The following AXL variants were observed in gnomAD, a reference collection of about 807,000 sequenced individuals.
AXL encodes the protein tyrosine-protein kinase receptor UFO.
A neutral mutation model predicts 104.5 loss-of-function variants in AXL; 52 were observed. The ratio of observed to expected loss-of-function variants is 0.50; its 90% confidence interval spans 0.40 to 0.63. The LOEUF (loss-of-function observed/expected upper bound fraction) is 0.63, where lower values mean the gene tolerates loss of function less well. Among genes scored for constraint, AXL ranks in the 20% least tolerant of loss-of-function variants. AXL has a pLI of 0.00. For synonymous variants in AXL, 455 were observed against 473.7 expected, an observed-to-expected ratio of 0.96 and a Z score of 0.51; for missense variants, 1,024 against 1,188.5, an observed-to-expected ratio of 0.86 and a Z score of 2.04.
rs1479849930 is a variant in AXL, at chr19:41,238,109, C to T, written c.949C>T (p.Pro317Ser). ...CGTGGCATGCACCAGCAGCCAGGGC[C>T]CCTCATCCTGGACCCACTGGCTTCC... ...IRVACTSSQG[P>S]SSWTHWLPVE... The change falls in exon 7 of 20, where the codon CCC (proline) becomes TCC (serine). Residue 317 changes from proline to serine, a missense_variant. Coordinates refer to ENST00000301178, the MANE Select transcript of AXL (RefSeq NM_021913.5). 6.2e-7 allele frequency: 1 copy of T among 1,613,978 alleles called. No homozygotes were observed. Among genetic ancestry groups the T allele is most frequent in the East Asian group, 2.2e-5 (1 of 44,884 alleles).
At chr19:41,225,318 G>C (rs1472975193) in intron 4 of AXL, among the ~76,000 whole-genome samples, 2 of 152,180 alleles carry the variant, frequency 1.3e-5, no homozygotes, top group African/African-American at 2.4e-5. Flanking sequence ...ATGTGTTTTT[G>C]TATCAGTCTG....
chr19:41,245,011 A>C (rs1259495208), intron 12 of AXL, among the ~76,000 whole-genome samples: 1 of 151,214 alleles, frequency 6.6e-6, no homozygotes, highest in Non-Finnish European at 1.5e-5. Flanking sequence ...GCTCACTGCA[A>C]CCTCCGCCTC....
At chr19:41,222,408 C>T (rs1015439266) in intron 4 of AXL, among the ~76,000 whole-genome samples, 4 of 152,134 alleles carry the variant, frequency 2.6e-5, no homozygotes, top group Non-Finnish European at 4.4e-5. Flanking sequence ...TTCCATGGCT[C>T]GAGTGCGTGT....
intron 12 of AXL, among the ~76,000 whole-genome samples, chr19:41,247,753 T>A (rs1017237781): frequency 1.3e-5 from 2 of 151,860 alleles, no homozygotes; most frequent in East Asian, 1.9e-4. Context: ...ATGGCTAGCT[T>A]TTGTATTTTT....
chr19:41,220,904 G>A (rs2033779243), intron 2 of AXL, 46 bp downstream of exon 2: 2 of 1,598,574 alleles, frequency 1.3e-6, no homozygotes, highest in Non-Finnish European at 8.5e-7. Context: ...CCGTCACACA[G>A]AGGGCAGAAA....
intron 4 of AXL, among the ~76,000 whole-genome samples, chr19:41,224,087 T>C (rs1599725550): frequency 6.6e-6 from 1 of 152,086 alleles, no homozygotes; most frequent in African/African-American, 2.4e-5. Flanking sequence ...GTTGCCCGTG[T>C]GTGGGTGTCT....
Position 41,219,370 on chromosome 19 carries a change from C to T in AXL, c.-23C>T, listed in dbSNP as rs540801607. ...CCCTCCCCCGCTGGGAGCCCAACAA[C>T]TTCTGAGGAAAGTTTGGCACCCATG... is the stretch of plus-strand genomic sequence containing the variant. On this transcript the variant is annotated 5_prime_UTR_variant, in exon 1 of 20. Coordinates refer to ENST00000301178, the MANE Select transcript of AXL (RefSeq NM_021913.5). 2 of 1,573,292 alleles carry T rather than the reference C, an allele frequency of 1.3e-6. No homozygotes were observed. The highest frequency in any genetic ancestry group is 1.2e-5 in the South Asian group (1 of 85,548).
chr19:41,247,491 G>A (rs1290134242), intron 12 of AXL, among the ~76,000 whole-genome samples: 1 of 151,594 alleles, frequency 6.6e-6, no homozygotes, highest in Non-Finnish European at 1.5e-5. Context: ...CAACAGGAAC[G>A]AAACTCCATC....
At chr19:41,252,807 C>T in intron 15 of AXL, 39 bp from the exon 16 acceptor site, 2 of 1,611,522 alleles carry the variant, frequency 1.2e-6, no homozygotes, top group South Asian at 1.1e-5. Flanking sequence ...GCTTCCCCTT[C>T]TGCCCAGCAG....
Position 41,238,167 on chromosome 19 carries a change from G to C in AXL, c.994+13G>C, listed in dbSNP as rs1478607493. On this transcript the variant is annotated intron_variant, in intron 7 of 19. Coordinates refer to ENST00000301178, the MANE Select transcript of AXL (RefSeq NM_021913.5). ...ACGCCGGAGGGAGGTAAGAAGGGTT[G>C]GGGAGGGACACGTCACCACTGCCCC... 1.2e-6 allele frequency: 2 copies of C among 1,613,530 alleles called. No homozygotes were observed. The highest frequency in any genetic ancestry group is 1.7e-6 in the Non-Finnish European group (2 of 1,179,694).
intron 10 of AXL, among the ~76,000 whole-genome samples, chr19:41,240,227 G>A (rs370640900): frequency 6.6e-6 from 1 of 150,908 alleles, no homozygotes; most frequent in African/African-American, 2.4e-5. Flanking sequence ...TGGATGGATG[G>A]GTGGGTGGAT....
rs1195983703 is a variant in AXL, at chr19:41,222,059, G to A, written c.586+3G>A. 5.2e-6 allele frequency: 8 copies of A among 1,544,442 alleles called. No individual in the cohort carries two copies. Among genetic ancestry groups the A allele is most frequent in the African/African-American group, 2.8e-5 (2 of 72,492 alleles). On this transcript the variant is annotated splice_donor_region_variant and intron_variant, in intron 4 of 19. Transcript: ENST00000301178. Reference sequence around the variant, plus strand: ...CCAGCGCAGCCTGCATGTTCCAGGTGAGTCCGGGGATGTGGGTCAGCTCCG... The same window carrying A: ...CCAGCGCAGCCTGCATGTTCCAGGTAAGTCCGGGGATGTGGGTCAGCTCCG...
intron 19 of AXL, 54 bp downstream of exon 19, chr19:41,257,683 C>A: frequency 6.2e-7 from 1 of 1,607,672 alleles, no homozygotes; most frequent in Non-Finnish European, 8.5e-7. Context: ...CCCCTGACTA[C>A]CCCCAGATGG....
At position 41,224,753 on chromosome 19, in the gene AXL, G is replaced by T. The variant is rs77137824; in HGVS notation, c.586+2697G>T. Among the ~76,000 whole-genome samples the T allele has an allele frequency of 2.6e-5, 4 of 152,036 alleles. No individual in the cohort carries two copies. The East Asian group carries it at 5.8e-4, about 22-fold the overall frequency. On this transcript the variant is annotated intron_variant, in intron 4 of 19. Transcript: ENST00000301178. ...TGTGGCGTGTGTGTATATGTCACAGGGTAAGCATGTTGGTGTATGACTGTA... is the reference window on the plus strand; with the variant it reads ...TGTGGCGTGTGTGTATATGTCACAGTGTAAGCATGTTGGTGTATGACTGTA...
rs1159473169 is a variant in AXL at position 41,219,716 on chromosome 19, GAGAC to G, written c.85+249_85+252del. 7.3e-5 allele frequency among the ~76,000 whole-genome samples: 11 copies of G among 150,044 alleles called. No individual in the cohort carries two copies. In the East Asian group the frequency reaches 1.6e-3, roughly 22 times the overall value. ...GGGGGGACAGAAGAGAGGACCCGGA[GAGAC>G]AGACAGACAAGGAGAAGCTGAGGGC... On this transcript the variant is annotated intron_variant, in intron 1 of 19. Transcript: ENST00000301178.
At chr19:41,237,771 T>C (rs1305045326) in intron 6 of AXL, among the ~76,000 whole-genome samples, 173 bp from the exon 7 acceptor site, 2 of 152,142 alleles carry the variant, frequency 1.3e-5, no homozygotes, top group Non-Finnish European at 2.9e-5. Flanking sequence ...TACAGCCAAA[T>C]GATCTCCTTG....
intron 14 of AXL, 101 bp downstream of exon 14, chr19:41,248,921 T>G (rs2034316113): frequency 4.2e-5 from 53 of 1,266,038 alleles, no homozygotes; most frequent in Non-Finnish European, 5.4e-5. Context: ...TTCTGGTGTT[T>G]CCAGATAGGC....
chr19:41,253,460 T>G, intron 16 of AXL, 139 bp from the exon 17 acceptor site: 1 of 663,938 alleles, frequency 1.5e-6, no homozygotes, highest in Non-Finnish European at 2.7e-6. Context: ...TTGCAGGCCA[T>G]GGAGAGGGGT....
Position 41,242,991 on chromosome 19 carries a change from G to T in AXL, c.1421G>T (p.Arg474Leu), listed in dbSNP as rs545871181. ...ATCTTGGCTCTCTTCCTTGTCCACC[G>T]GCGAAAGAAGGAGACCCGTTATGGG... is the stretch of plus-strand genomic sequence containing the variant. Reference protein sequence around the residue: ...VLILALFLVHRRKKETRYGEV... With the variant: ...VLILALFLVHLRKKETRYGEV... The change falls in exon 11 of 20, where the codon CGG becomes CTG. Residue 474 changes from arginine (R) to leucine (L), a missense_variant. This residue lies in a region of AXL where 523 missense variants were observed against 636.0 expected (regional missense o/e 0.82). Coordinates refer to ENST00000301178, the MANE Select transcript of AXL (RefSeq NM_021913.5). 6.2e-7 allele frequency: 1 copy of T among 1,614,164 alleles called. No individual in the cohort carries two copies. Among genetic ancestry groups the T allele is most frequent in the East Asian group, 2.2e-5 (1 of 44,878 alleles).
Sources: allele counts gnomAD v4.1 joint callset (sites outside exome capture counted in the v4.1 genomes callset), GRCh38; gene constraint gnomAD v4.1.1; regional missense constraint gnomAD v4.1.1; transcripts MANE v1.5; gene names NCBI Gene and HGNC (gene_info 2026-07-23, HGNC 2026-07-21).